Variants in GRIK1 observed in about 807,000 individuals in gnomAD.
GRIK1 encodes the protein glutamate ionotropic receptor kainate type subunit 1.
A neutral mutation model predicts 105.7 loss-of-function variants in GRIK1; 69 were observed. The observed-to-expected ratio is 0.65, with a 90% CI of 0.54 to 0.80. GRIK1 has a LOEUF of 0.80. Among genes scored for constraint, GRIK1 ranks in the 30% least tolerant of loss-of-function variants. The pLI, the probability that GRIK1 is intolerant of heterozygous loss-of-function variation, is 0.00. For synonymous variants in GRIK1, 438 were observed against 431.3 expected (o/e 1.02, Z -0.19); for missense variants, 1,109 against 1,167.3 (o/e 0.95, Z 0.73).
At chr21:29,754,535 G>A (rs1051973337) in intron 1 of GRIK1, among the ~76,000 whole-genome samples, 3 of 152,108 alleles carry the variant, frequency 2.0e-5, no homozygotes, top group East Asian at 1.9e-4. Context: ...AGTAATCCTC[G>A]CCCTGGGATT....
chr21:29,634,097 C>T (rs886304065), intron 7 of GRIK1, among the ~76,000 whole-genome samples: 13 of 152,146 alleles, frequency 8.5e-5, no homozygotes, highest in Non-Finnish European at 2.9e-5. Context: ...AGATCCCATA[C>T]AAAATCAGCC....
At chr21:29,805,958 A>G (rs1284369406) in intron 1 of GRIK1, among the ~76,000 whole-genome samples, 1 of 152,174 alleles carries the variant, frequency 6.6e-6, no homozygotes, top group African/African-American at 2.4e-5. Context: ...TTGTGTTGCC[A>G]TATAAGAAAC....
chr21:29,681,088 G>T (rs2063365781), intron 3 of GRIK1, among the ~76,000 whole-genome samples: 2 of 152,124 alleles, frequency 1.3e-5, no homozygotes, highest in South Asian at 4.1e-4. Context: ...AGCCGAGATC[G>T]CACCACTGCA....
In GRIK1 at chr21:29,654,843, C is replaced by A; in HGVS notation, c.747G>T (p.Met249Ile). ...ILKQILFMGM[M>I]TEYYHYFFTT... is the part of the protein sequence containing the mutation. Reference sequence around the variant, plus strand: ...TGAAAAAGTAGTGATAGTACTCGGTCATCATGCCCATGAACAGAATCTGCA... The same window carrying A: ...TGAAAAAGTAGTGATAGTACTCGGTAATCATGCCCATGAACAGAATCTGCA... The change falls in exon 5 of 18, where the codon ATG becomes ATT. Residue 249 changes from methionine (M) to isoleucine (I), a missense_variant. Physicochemically the swap from Met to Ile is conservative, Grantham distance 10. Around this residue, in one of 5 missense-constraint regions of GRIK1, gnomAD observed 612 missense variants for 586.0 expected, o/e 1.04. Coordinates refer to ENST00000327783, the MANE Select transcript of GRIK1 (RefSeq NM_001330994.2). The A allele has an allele frequency of 6.3e-7, 1 of 1,586,268 alleles. No individual in the cohort carries two copies. Among genetic ancestry groups the A allele is most frequent in the South Asian group, 1.1e-5 (1 of 90,522 alleles).
At chr21:29,745,873 G>A (rs1194332340) in intron 1 of GRIK1, among the ~76,000 whole-genome samples, 1 of 152,198 alleles carries the variant, frequency 6.6e-6, no homozygotes, top group Non-Finnish European at 1.5e-5. Flanking sequence ...GGAGGCCAAG[G>A]CGGGGGGATC....
chr21:29,608,976 A>G (rs564326622), intron 7 of GRIK1, among the ~76,000 whole-genome samples: 2 of 152,116 alleles, frequency 1.3e-5, no homozygotes, highest in Admixed American at 1.3e-4. Flanking sequence ...GGATTAAGTG[A>G]ACTGCTGAGG....
intron 1 of GRIK1, among the ~76,000 whole-genome samples, chr21:29,850,509 A>G (rs981414628): frequency 7.2e-5 from 11 of 152,204 alleles, no homozygotes; most frequent in African/African-American, 2.4e-4. Context: ...TATTCAAAGC[A>G]ACAAGGACAA....
intron 1 of GRIK1, among the ~76,000 whole-genome samples, chr21:29,754,193 C>T (rs899993678): frequency 6.6e-6 from 1 of 152,112 alleles, no homozygotes; most frequent in Non-Finnish European, 1.5e-5. Flanking sequence ...GGAACAAATG[C>T]AGTTAGTGAA....
At chr21:29,542,716 C>A (rs1364303716) in intron 16 of GRIK1, among the ~76,000 whole-genome samples, 1 of 152,196 alleles carries the variant, frequency 6.6e-6, no homozygotes, top group African/African-American at 2.4e-5. Flanking sequence ...TATAGGTAAA[C>A]ATTTCAGAGA....
At chr21:29,601,509 T>A (rs1262845442) in intron 7 of GRIK1, among the ~76,000 whole-genome samples, 2 of 152,190 alleles carry the variant, frequency 1.3e-5, no homozygotes, top group African/African-American at 4.8e-5. Context: ...TCTCCAGAAT[T>A]TCCTACCACC....
At chr21:29,629,217 T>G (rs865961714) in intron 7 of GRIK1, among the ~76,000 whole-genome samples, 1 of 148,832 alleles carries the variant, frequency 6.7e-6, no homozygotes, top group African/African-American at 2.5e-5. Context: ...TGTGTGTGTG[T>G]GTGTGTGTGT....
chr21:29,685,006 A>G (rs1337415663), intron 3 of GRIK1, among the ~76,000 whole-genome samples: 1 of 152,038 alleles, frequency 6.6e-6, no homozygotes, highest in East Asian at 1.9e-4. Context: ...CTATTTATCT[A>G]TCTACCTACC....
chr21:29,765,206 G>A (rs1255911487), intron 1 of GRIK1, among the ~76,000 whole-genome samples: 1 of 152,072 alleles, frequency 6.6e-6, no homozygotes, highest in Non-Finnish European at 1.5e-5. Context: ...TTCTTTCTAA[G>A]TTACTTGAGC....
Position 29,642,902 on chromosome 21 carries a change from A to G in GRIK1, c.1022T>C (p.Leu341Pro). The G allele has an allele frequency of 1.2e-6, 2 of 1,614,036 alleles. No individual in the cohort carries two copies. Among genetic ancestry groups the G allele is most frequent in the Non-Finnish European group, 1.7e-6 (2 of 1,179,872 alleles). Reference protein sequence around the residue: ...VAIASHRASQLTVSSLQCHRH... With the variant: ...VAIASHRASQPTVSSLQCHRH... ...ATGGCACTGCAGGGAGCTGACGGTC[A>G]GCTGGGATGCCCGGTGCGAGGCAAT... The change falls in exon 7 of 18, where the codon CTG (leucine) becomes CCG (proline). Residue 341 changes from leucine to proline, a missense_variant. Around this residue, in one of 5 missense-constraint regions of GRIK1, gnomAD observed 612 missense variants for 586.0 expected, o/e 1.04. Coordinates refer to ENST00000327783, the MANE Select transcript of GRIK1 (RefSeq NM_001330994.2).
At chr21:29,935,236 A>G (rs1037238702) in intron 1 of GRIK1, among the ~76,000 whole-genome samples, 2 of 152,232 alleles carry the variant, frequency 1.3e-5, no homozygotes, top group African/African-American at 4.8e-5. Context: ...CTTCAAGAAT[A>G]GTATTTGAAA....
chr21:29,597,845 C>T (rs2061445531), intron 8 of GRIK1, among the ~76,000 whole-genome samples: 1 of 151,666 alleles, frequency 6.6e-6, no homozygotes, highest in Non-Finnish European at 1.5e-5. Context: ...GGGTAGTTAG[C>T]ACCTGCAAAA....
intron 4 of GRIK1, among the ~76,000 whole-genome samples, chr21:29,660,763 A>G (rs1359587819): frequency 6.6e-6 from 1 of 152,224 alleles, no homozygotes; most frequent in Non-Finnish European, 1.5e-5. Flanking sequence ...GCCTTTCTCA[A>G]TATCAGGATA....
chr21:29,560,396 C>CTTTCTTTCTTTCTTT lies in GRIK1; in HGVS notation c.2356+1227_2356+1228insAAAGAAAGAAAGAAA, dbSNP rs1568814142. 3.6e-3 allele frequency among the ~76,000 whole-genome samples: 220 copies of CTTTCTTTCTTTCTTT among 60,312 alleles called. 27 individuals carry two copies. The highest frequency in any genetic ancestry group is 7.1e-3 in the East Asian group (13 of 1,830). The allele number at this position is 60,312 out of a possible 152,430, so 39.6% of individuals were successfully genotyped here. ...TCCTTCCTTCCTTCCTTCCTTCCTT[C>CTTTCTTTCTTTCTTT]CTTCCTTTCTTTCTTTCTTTCTTTC... On this transcript the variant is annotated intron_variant, in intron 15 of 17. Coordinates refer to ENST00000327783, the MANE Select transcript of GRIK1 (RefSeq NM_001330994.2).
At chr21:29,775,986 A>G (rs145406409) in intron 1 of GRIK1, among the ~76,000 whole-genome samples, 47 of 152,320 alleles carry the variant, frequency 3.1e-4, no homozygotes, top group African/African-American at 1.0e-3. Context: ...GCCTCAGGAA[A>G]CCTACAATCA....
Sources: gnomAD v4.1 joint callset for allele counts (sites outside exome capture counted in the v4.1 genomes callset) on GRCh38, gnomAD v4.1.1 for gene constraint, gnomAD v4.1.1 regional missense constraint, MANE v1.5 for transcripts, NCBI Gene and HGNC (gene_info 2026-07-23, HGNC 2026-07-21) for gene names.